Variants in NKD1 observed in about 807,000 individuals in gnomAD.
The protein encoded by NKD1 is NKD inhibitor of Wnt signaling pathway 1.
A neutral mutation model predicts 56.0 loss-of-function variants in NKD1; 21 were observed. That is an observed-to-expected ratio of 0.38 (90% CI 0.27 to 0.54). NKD1 has a LOEUF of 0.54. NKD1 is among the 20% of genes least tolerant of loss of function. The pLI is 0.82. For synonymous variants in NKD1, 263 were observed against 265.7 expected, an observed-to-expected ratio of 0.99 and a Z score of 0.10; for missense variants, 578 against 642.7, an observed-to-expected ratio of 0.90 and a Z score of 1.09.
intron 3 of NKD1, among the ~76,000 whole-genome samples, chr16:50,593,477 C>G (rs1032146909): frequency 6.6e-6 from 1 of 152,164 alleles, no homozygotes; most frequent in Non-Finnish European, 1.5e-5. Context: ...TAGGGTCAGG[C>G]TCTCAGCTCA....
intron 3 of NKD1, among the ~76,000 whole-genome samples, chr16:50,561,146 T>C (rs930416544): frequency 2.0e-5 from 3 of 152,116 alleles, no homozygotes; most frequent in East Asian, 1.9e-4. Context: ...ATGAAGAGGA[T>C]GAGCAGTCCC....
intron 4 of NKD1, among the ~76,000 whole-genome samples, chr16:50,611,597 A>C (rs141321979): frequency 6.6e-6 from 1 of 152,144 alleles, no homozygotes; most frequent in Non-Finnish European, 1.5e-5. Flanking sequence ...AGCAGTGTTA[A>C]GACTGAGGCC....
chr16:50,548,549 C>T lies in NKD1; in HGVS notation c.-5C>T. The stretch of plus-strand genomic sequence containing the variant: ...AGGGACGCTCCCGGCCGCCGCAGCC[C>T]CAGCATGGGGAAACTTCACTCCAAG... On this transcript the variant is annotated 5_prime_UTR_variant, in exon 1 of 10. Transcript: ENST00000268459. 4 of 1,467,764 alleles carry T rather than the reference C, an allele frequency of 2.7e-6. No individual in the cohort carries two copies. Among genetic ancestry groups the T allele is most frequent in the Non-Finnish European group, 3.6e-6 (4 of 1,115,262 alleles). 90.9% of individuals were successfully genotyped at this position (1,467,764 alleles called of 1,614,324 possible).
chr16:50,594,674 C>A (rs1961436922), intron 3 of NKD1, among the ~76,000 whole-genome samples: 3 of 152,196 alleles, frequency 2.0e-5, no homozygotes, highest in Admixed American at 6.5e-5. Context: ...CATTCTCCTG[C>A]ACCAGGCTCA....
At chr16:50,618,524 G>A (rs1420777544) in intron 4 of NKD1, among the ~76,000 whole-genome samples, 1 of 152,230 alleles carries the variant, frequency 6.6e-6, no homozygotes, top group Admixed American at 6.5e-5. Context: ...TAGTTTCAGA[G>A]GGCTCATATG....
chr16:50,561,235 C>G (rs998568349), intron 3 of NKD1, among the ~76,000 whole-genome samples: 2 of 152,086 alleles, frequency 1.3e-5, no homozygotes, highest in East Asian at 3.9e-4. Flanking sequence ...AGACATGGCT[C>G]AGTCATCAGG....
intron 3 of NKD1, among the ~76,000 whole-genome samples, chr16:50,572,727 T>G (rs1203094547): frequency 6.6e-6 from 1 of 152,208 alleles, no homozygotes; most frequent in Non-Finnish European, 1.5e-5. Flanking sequence ...ATGGTTCGTC[T>G]TCTTACCCAG....
chr16:50,549,320 C>A, intron 2 of NKD1, 102 bp from the exon 3 acceptor site: 1 of 1,452,160 alleles, frequency 6.9e-7, no homozygotes, highest in South Asian at 1.3e-5. Context: ...GGCCCCCGTG[C>A]CGTGGTCCTT....
At chr16:50,627,148 G>GA (rs200834626) in intron 6 of NKD1, among the ~76,000 whole-genome samples, 119 of 147,974 alleles carry the variant, frequency 8.0e-4, no homozygotes, top group African/African-American at 2.5e-3. Context: ...TGCTGTATTC[G>GA]AAAAAAAAAA....
intron 3 of NKD1, among the ~76,000 whole-genome samples, chr16:50,588,305 A>G (rs1567342032): frequency 6.6e-6 from 1 of 152,286 alleles, no homozygotes; most frequent in Non-Finnish European, 1.5e-5. Context: ...CTGCAAGTTT[A>G]GAATGACAGG....
chr16:50,585,872 G>A (rs1342901256), intron 3 of NKD1, among the ~76,000 whole-genome samples: 2 of 152,188 alleles, frequency 1.3e-5, no homozygotes, highest in African/African-American at 4.8e-5. Flanking sequence ...ATTTCATCGA[G>A]TCTGTGCCCT....
chr16:50,631,737 G>A (rs1448266757), intron 8 of NKD1, among the ~76,000 whole-genome samples: 2 of 152,196 alleles, frequency 1.3e-5, no homozygotes, highest in African/African-American at 2.4e-5. Flanking sequence ...GCCTCTGGCA[G>A]CATCTCTCCC....
intron 3 of NKD1, 128 bp from the exon 4 acceptor site, chr16:50,608,166 G>A (rs1482546434): frequency 2.8e-5 from 21 of 753,204 alleles, no homozygotes; most frequent in Middle Eastern, 4.6e-4. Context: ...GGTGCAATAG[G>A]ATCTGCCTCA....
intron 4 of NKD1, among the ~76,000 whole-genome samples, chr16:50,609,878 A>G (rs567465598): frequency 1.3e-5 from 2 of 152,330 alleles, no homozygotes; most frequent in South Asian, 4.1e-4. Flanking sequence ...GGTATCTTTT[A>G]TGTGAAAAAA....
rs145683319 is a variant in NKD1, at chr16:50,622,700, C to T, written c.366+992C>T. On this transcript the variant is annotated intron_variant, in intron 5 of 9. Transcript: ENST00000268459. ...CTGTTGTCAGCAGCATGAGTTCGTGCGCCTAAAGGTCTAAAGTGCTTAAGA... is the reference window on the plus strand; with the variant it reads ...CTGTTGTCAGCAGCATGAGTTCGTGTGCCTAAAGGTCTAAAGTGCTTAAGA... 6.6e-5 allele frequency among the ~76,000 whole-genome samples: 10 copies of T among 152,322 alleles called. No individual in the cohort carries two copies. In the East Asian group the frequency reaches 1.5e-3, roughly 24 times the overall value.
chr16:50,578,772 T>C (rs1425345070), intron 3 of NKD1, among the ~76,000 whole-genome samples: 2 of 152,178 alleles, frequency 1.3e-5, no homozygotes, highest in East Asian at 1.9e-4. Flanking sequence ...CTGGCTGGCC[T>C]GGATGCAAGA....
In NKD1 at chr16:50,568,440, TA is replaced by T. The variant is rs571993463; in HGVS notation, c.192+18888del. Reference sequence around the variant, plus strand: ...CATGTGATTCTGTCATTTCTTGTTGTAAACTGGGGATAACAGCAGGACCTGC... The same window carrying T: ...CATGTGATTCTGTCATTTCTTGTTGTAACTGGGGATAACAGCAGGACCTGC... On this transcript the variant is annotated intron_variant, in intron 3 of 9. Coordinates refer to ENST00000268459, the MANE Select transcript of NKD1 (RefSeq NM_033119.5). 3.2e-4 allele frequency among the ~76,000 whole-genome samples: 48 copies of T among 152,350 alleles called. 1 individual carries two copies. The highest frequency in any genetic ancestry group is 1.1e-3 in the African/African-American group (46 of 41,588).
At position 50,620,476 on chromosome 16, in the gene NKD1, C is replaced by T. The variant is rs958235363; in HGVS notation, c.260-1126C>T. ...GGGGAGTCTCAGCACCTCACATGAC[C>T]CCCTGGCCACCCTTGGGTCAGGGTG... On this transcript the variant is annotated intron_variant, in intron 4 of 9. Transcript: ENST00000268459. Among the ~76,000 whole-genome samples, 3 of 152,184 alleles carry T rather than the reference C, an allele frequency of 2.0e-5. No individual in the cohort carries two copies. The East Asian group carries it at 5.8e-4, about 29-fold the overall frequency.
At position 50,638,636 on chromosome 16, in the gene NKD1, A is replaced by T. The variant is rs1170212878; in HGVS notation, c.*4855A>T. The T allele has an allele frequency of 6.6e-6, 1 of 152,264 alleles. No homozygotes were observed. The highest frequency in any genetic ancestry group is 2.4e-5 in the African/African-American group (1 of 41,462). The allele number at this position is 152,264 out of a possible 1,614,324, so 9.4% of individuals were successfully genotyped here. A position where few individuals can be genotyped will look rare whatever the true frequency, so the allele number is the denominator to read the frequency against. On this transcript the variant is annotated 3_prime_UTR_variant, in exon 10 of 10. Transcript: ENST00000268459. ...GGGCTCTGATCTGATGTTCGGTCTC[A>T]TCATCTCCCAAACCAGCAGTCGTTT... is the stretch of plus-strand genomic sequence containing the variant.
Sources: allele counts gnomAD v4.1 joint callset (sites outside exome capture counted in the v4.1 genomes callset), GRCh38; gene constraint gnomAD v4.1.1; transcripts MANE v1.5; gene names NCBI Gene and HGNC (gene_info 2026-07-23, HGNC 2026-07-21).